ADGRL3: variants seen among roughly 807,000 people sequenced by gnomAD.
ADGRL3 encodes adhesion G protein-coupled receptor L3.
ADGRL3 carries 62 observed loss-of-function variants against 153.5 expected under a neutral mutation model. That is an observed-to-expected ratio of 0.40 (90% confidence interval 0.33 to 0.50). The LOEUF (loss-of-function observed/expected upper bound fraction) is 0.50. Ranked by LOEUF, ADGRL3 falls within the 20% of genes least tolerant of loss-of-function variation. The probability of loss-of-function intolerance (pLI) is 0.47; values close to 1 mark genes in which losing one functional copy is unlikely to be tolerated. For synonymous variants in ADGRL3, 710 were observed against 672.5 expected (o/e 1.06, Z -0.86); for missense variants, 1,641 against 1,859.4 (o/e 0.88, Z 2.16).
At chr4:62,052,459 A>G (rs989342707) in intron 25 of ADGRL3, among the ~76,000 whole-genome samples, 5 of 151,442 alleles carry the variant, frequency 3.3e-5, no homozygotes, top group Non-Finnish European at 7.4e-5. Context: ...CTATCCGTGT[A>G]AGGAAAAAAA....
chr4:61,952,924 A>T (rs1241432735), intron 17 of ADGRL3, among the ~76,000 whole-genome samples: 1 of 152,224 alleles, frequency 6.6e-6, no homozygotes, highest in Non-Finnish European at 1.5e-5. Flanking sequence ...GAGATAAAAT[A>T]AATGGAAATC....
chr4:61,595,804 G>A (rs995076969), intron 5 of ADGRL3, among the ~76,000 whole-genome samples: 23 of 152,090 alleles, frequency 1.5e-4, no homozygotes, highest in African/African-American at 4.8e-4. Context: ...CCTCAGTGGT[G>A]AGGCTTGCAT....
chr4:61,427,887 C>G (rs1403428014), intron 2 of ADGRL3: 1 of 152,852 alleles, frequency 6.5e-6, no homozygotes, highest in African/African-American at 2.4e-5. Flanking sequence ...ACTCTGCCGG[C>G]AAAGGCTCGC....
At chr4:61,318,857 TTACATAATGTAATTTTTTA>T (rs2095293778) in intron 1 of ADGRL3, among the ~76,000 whole-genome samples, 1 of 152,224 alleles carries the variant, frequency 6.6e-6, no homozygotes, top group Non-Finnish European at 1.5e-5. Flanking sequence ...TTAAAATATT[TTACATAATGTAATTTTTTA>T]TATTGACAGT....
At chr4:61,438,842 A>G (rs1037221058) in intron 2 of ADGRL3, among the ~76,000 whole-genome samples, 5 of 151,370 alleles carry the variant, frequency 3.3e-5, no homozygotes, top group South Asian at 2.1e-4. Context: ...CGAGTAGCTG[A>G]GACTACAGGC....
At chr4:61,744,736 A>G (rs1194172524) in intron 8 of ADGRL3, among the ~76,000 whole-genome samples, 1 of 152,180 alleles carries the variant, frequency 6.6e-6, no homozygotes, top group Non-Finnish European at 1.5e-5. Flanking sequence ...ATCAAAGACC[A>G]AAAGTAGATA....
intron 3 of ADGRL3, among the ~76,000 whole-genome samples, chr4:61,510,002 A>G (rs1391656198): frequency 6.6e-6 from 1 of 152,050 alleles, no homozygotes; most frequent in Non-Finnish European, 1.5e-5. Context: ...TTTGATTTGC[A>G]TTTCTCTGAT....
chr4:61,821,332 T>C (rs2097754648), intron 9 of ADGRL3, among the ~76,000 whole-genome samples: 1 of 39,020 alleles, frequency 2.6e-5, no homozygotes, highest in African/African-American at 1.7e-4. Flanking sequence ...AACTACTTTT[T>C]ATTTATTTAT....
At chr4:61,740,853 G>T (rs372365553) in intron 8 of ADGRL3, among the ~76,000 whole-genome samples, 1 of 152,112 alleles carries the variant, frequency 6.6e-6, no homozygotes, top group Non-Finnish European at 1.5e-5. Flanking sequence ...CTTGAAAGCC[G>T]TTTGAGATTA....
At chr4:61,593,035 G>C (rs1408894735) in intron 5 of ADGRL3, among the ~76,000 whole-genome samples, 1 of 152,008 alleles carries the variant, frequency 6.6e-6, no homozygotes, top group Non-Finnish European at 1.5e-5. Context: ...GTTACCATGA[G>C]GCTTACAAAC....
intron 4 of ADGRL3, among the ~76,000 whole-genome samples, chr4:61,565,042 AAT>A (rs1216616634): frequency 6.6e-6 from 1 of 152,210 alleles, no homozygotes; most frequent in Non-Finnish European, 1.5e-5. Flanking sequence ...AAAAGTTTGA[AAT>A]ATTGCAAGAA....
intron 19 of ADGRL3, among the ~76,000 whole-genome samples, chr4:61,992,313 T>C (rs2099106247): frequency 6.6e-6 from 1 of 152,218 alleles, no homozygotes; most frequent in Non-Finnish European, 1.5e-5. Context: ...TGTCATTGAA[T>C]GGTGAGACTT....
intron 2 of ADGRL3, among the ~76,000 whole-genome samples, chr4:61,465,848 G>A (rs572920477): frequency 2.7e-5 from 4 of 150,398 alleles, no homozygotes; most frequent in East Asian, 2.0e-4. Context: ...ATGGCTGGGC[G>A]CAGTGTCTCA....
rs1015778182 is a variant in ADGRL3, at chr4:62,070,529, A to G, written c.4253A>G (p.His1418Arg). The change falls in exon 27 of 27, where the codon CAT (histidine) becomes CGT (arginine). Residue 1418 changes from histidine to arginine, a missense_variant. By Grantham distance (29) the His-to-Arg change is conservative. Coordinates refer to ENST00000683033, the MANE Select transcript of ADGRL3 (RefSeq NM_001387552.1). ...VYSTENHQPH[H>R]YTRRRIPQDH... Reference sequence around the variant, plus strand: ...TCCACCGAGAACCACCAGCCACACCATTATACCAGAAGGCGGATCCCCCAA... The same window carrying G: ...TCCACCGAGAACCACCAGCCACACCGTTATACCAGAAGGCGGATCCCCCAA... 6.4e-7 allele frequency: 1 copy of G among 1,551,110 alleles called. No homozygotes were observed.
At position 61,209,626 on chromosome 4, in the gene ADGRL3, C is replaced by CT. The variant is rs554693615; in HGVS notation, c.-240+7865dup. Among the ~76,000 whole-genome samples, 306 of 152,044 alleles carry CT rather than the reference C, an allele frequency of 2.0e-3. 1 individual carries two copies. The highest frequency in any genetic ancestry group is 3.7e-3 in the Non-Finnish European group (249 of 67,946). On this transcript the variant is annotated intron_variant, in intron 1 of 26. Transcript: ENST00000683033. ...TTCTTTCCCTCTGTCCTTTTTTAACCTTTTAAGTACTTATTTCTGAGCTCT... is the reference window on the plus strand; with the variant it reads ...TTCTTTCCCTCTGTCCTTTTTTAACCTTTTTAAGTACTTATTTCTGAGCTCT...
chr4:62,019,952 G>C (rs532185122), intron 21 of ADGRL3, among the ~76,000 whole-genome samples: 12 of 152,096 alleles, frequency 7.9e-5, no homozygotes, highest in Non-Finnish European at 1.8e-4. Context: ...GGCTTATAAA[G>C]GATAAGATAC....
In ADGRL3 at chr4:61,441,645, G is replaced by A. The variant is rs536470477; in HGVS notation, c.-173-55476G>A. The stretch of plus-strand genomic sequence containing the variant: ...AGCAATTCTCCTGCCTTAGCCTCCC[G>A]AGTAGCTGGGACTACAGGTGCATGC... On this transcript the variant is annotated intron_variant, in intron 2 of 26. Coordinates refer to ENST00000683033, the MANE Select transcript of ADGRL3 (RefSeq NM_001387552.1). Among the ~76,000 whole-genome samples the A allele has an allele frequency of 4.6e-5, 7 of 151,758 alleles. No individual in the cohort carries two copies. In the South Asian group the frequency reaches 6.2e-4, roughly 14 times the overall value.
chr4:61,856,584 TTTTCTCTC>T (rs1222917154), intron 9 of ADGRL3, among the ~76,000 whole-genome samples: 2 of 85,760 alleles, frequency 2.3e-5, no homozygotes, highest in African/African-American at 7.6e-5. Context: ...TCTCTCTCTT[TTTTCTCTC>T]TCTCTCTCTC....
chr4:61,270,793 C>T (rs1231904531), intron 1 of ADGRL3, among the ~76,000 whole-genome samples: 1 of 151,622 alleles, frequency 6.6e-6, no homozygotes, highest in Non-Finnish European at 1.5e-5. Flanking sequence ...CTCTTTATGA[C>T]TTTACTGATC....
Sources: allele counts gnomAD v4.1 joint callset (sites outside exome capture counted in the v4.1 genomes callset), GRCh38; gene constraint gnomAD v4.1.1; transcripts MANE v1.5; gene names NCBI Gene and HGNC (gene_info 2026-07-23, HGNC 2026-07-21).